The following CDKAL1 variants were observed in gnomAD, a reference collection of about 807,000 sequenced individuals.
The protein encoded by CDKAL1 is threonylcarbamoyladenosine tRNA methylthiotransferase.
A neutral mutation model predicts 68.2 loss-of-function variants in CDKAL1; 32 were observed. The ratio of observed to expected loss-of-function variants is 0.47; its 90% CI spans 0.35 to 0.63. The LOEUF (loss-of-function observed/expected upper bound fraction) is 0.63. CDKAL1 is among the 30% of genes least tolerant of loss of function. The pLI is 0.00. For synonymous variants in CDKAL1, 234 were observed against 244.3 expected (o/e 0.96, Z 0.39); for missense variants, 606 against 696.7 (o/e 0.87, Z 1.47).
chr6:20,712,446 A>G (rs1771889595), intron 5 of CDKAL1, among the ~76,000 whole-genome samples: 1 of 151,946 alleles, frequency 6.6e-6, no homozygotes, highest in African/African-American at 2.4e-5. Context: ...GACTATTTTA[A>G]GGAAAGTTTT....
intron 5 of CDKAL1, among the ~76,000 whole-genome samples, chr6:20,674,966 T>C (rs1391682644): frequency 6.6e-6 from 1 of 152,208 alleles, no homozygotes; most frequent in Non-Finnish European, 1.5e-5. Context: ...AGAAGATTGA[T>C]GGAGTGATTA....
chr6:20,636,304 AT>A (rs1767902285), intron 4 of CDKAL1, among the ~76,000 whole-genome samples: 1 of 152,130 alleles, frequency 6.6e-6, no homozygotes, highest in Non-Finnish European at 1.5e-5. Context: ...GTTCCTTCCC[AT>A]TCCCTGTTTG....
chr6:21,219,416 CCT>C (rs1434473693), intron 15 of CDKAL1, among the ~76,000 whole-genome samples: 3 of 152,116 alleles, frequency 2.0e-5, no homozygotes, highest in African/African-American at 4.8e-5. Context: ...ATTTTTCCCC[CCT>C]GAGTGTTTTC....
At chr6:20,571,129 A>T (rs16883932) in intron 4 of CDKAL1, among the ~76,000 whole-genome samples, 1 of 152,194 alleles carries the variant, frequency 6.6e-6, no homozygotes, top group Non-Finnish European at 1.5e-5. Context: ...AGTAAGTACT[A>T]TAGGTGAAAG....
intron 12 of CDKAL1, among the ~76,000 whole-genome samples, chr6:21,095,935 A>T (rs751382287): frequency 1.3e-5 from 2 of 152,180 alleles, no homozygotes; most frequent in Non-Finnish European, 1.5e-5. Flanking sequence ...CACCCCTGAA[A>T]TGAATTTTAG....
intron 4 of CDKAL1, among the ~76,000 whole-genome samples, chr6:20,609,288 T>C (rs13192450): frequency 3.9e-4 from 56 of 144,940 alleles, no homozygotes; most frequent in African/African-American, 1.4e-3. Context: ...TCCTTCTCCT[T>C]CTTCTCCTTC....
intron 9 of CDKAL1, among the ~76,000 whole-genome samples, chr6:20,872,348 A>G (rs994196922): frequency 6.6e-6 from 1 of 152,196 alleles, no homozygotes. Flanking sequence ...TATCAAAATT[A>G]TACTCAGAAC....
chr6:20,955,510 G>A lies in CDKAL1; in HGVS notation c.834G>A (p.Leu278=). The A allele has an allele frequency of 6.2e-7, 1 of 1,614,138 alleles. No individual in the cohort carries two copies. The highest frequency in any genetic ancestry group is 8.5e-7 in the Non-Finnish European group (1 of 1,179,988). The part of the protein sequence containing the change: ...GTNLPTLLWK[L]VEVIPEGAML... ...ATCTCCCCACACTCCTGTGGAAACT[G>A]GTTGAAGTGATTCCTGAGGGAGCAA... Residue 278 remains leucine, a synonymous_variant, in exon 10 of 16, where the codon CTG becomes CTA. Transcript: ENST00000274695.
intron 11 of CDKAL1, among the ~76,000 whole-genome samples, chr6:21,028,983 C>T (rs1467292875): frequency 6.6e-6 from 1 of 152,090 alleles, no homozygotes; most frequent in African/African-American, 2.4e-5. Context: ...TACTGTGCTT[C>T]GGGCTATTTT....
intron 8 of CDKAL1, among the ~76,000 whole-genome samples, chr6:20,810,903 C>T (rs531155092): frequency 1.1e-4 from 17 of 152,166 alleles, no homozygotes; most frequent in Admixed American, 5.9e-4. Context: ...TGAATTAGGA[C>T]CCAAACAAGA....
At chr6:20,732,726 C>T (rs1773012811) in intron 5 of CDKAL1, among the ~76,000 whole-genome samples, 1 of 152,126 alleles carries the variant, frequency 6.6e-6, no homozygotes, top group South Asian at 2.1e-4. Context: ...ATTGTGCGAG[C>T]ACCACAGTCA....
At chr6:21,072,554 CAAAAA>C (rs71540611) in intron 12 of CDKAL1, among the ~76,000 whole-genome samples, 147 of 44,472 alleles carry the variant, frequency 3.3e-3, no homozygotes, top group African/African-American at 3.3e-3. Context: ...GACTCCGTCT[CAAAAA>C]AAAAAAAAAA....
At chr6:20,823,873 C>T (rs1294350713) in intron 8 of CDKAL1, among the ~76,000 whole-genome samples, 6 of 151,996 alleles carry the variant, frequency 3.9e-5, no homozygotes, top group Non-Finnish European at 1.5e-5. Flanking sequence ...TCTTTTGCTT[C>T]CAAAGTCGAG....
chr6:21,143,170 CCT>C (rs1442991711), intron 13 of CDKAL1, among the ~76,000 whole-genome samples: 1 of 152,190 alleles, frequency 6.6e-6, no homozygotes, highest in African/African-American at 2.4e-5. Flanking sequence ...TCATATTTCA[CCT>C]CTTAGAAGCT....
At chr6:20,897,594 A>G (rs1462269553) in intron 9 of CDKAL1, among the ~76,000 whole-genome samples, 5 of 152,190 alleles carry the variant, frequency 3.3e-5, no homozygotes, top group African/African-American at 1.2e-4. Flanking sequence ...TTTTTCCACC[A>G]ATCTTCAGTT....
intron 9 of CDKAL1, among the ~76,000 whole-genome samples, chr6:20,942,885 TCAGAGGTTG>T (rs1010142273): frequency 8.4e-5 from 12 of 143,684 alleles, no homozygotes; most frequent in Admixed American, 1.4e-4. Flanking sequence ...AACCAGGAAG[TCAGAGGTTG>T]CAATGAGTGG....
intron 9 of CDKAL1, among the ~76,000 whole-genome samples, chr6:20,871,892 A>G (rs910986984): frequency 6.6e-6 from 1 of 152,192 alleles, no homozygotes. Context: ...TTAGTTTACA[A>G]ACAATATATA....
intron 5 of CDKAL1, among the ~76,000 whole-genome samples, chr6:20,716,295 A>C (rs1479295350): frequency 6.6e-6 from 1 of 152,230 alleles, no homozygotes; most frequent in East Asian, 1.9e-4. Flanking sequence ...GGCCTATTTT[A>C]TATAATATGG....
chr6:21,108,445 C>G lies in CDKAL1; in HGVS notation c.1281C>G (p.Tyr427Ter). 1 of 1,603,522 alleles carries G rather than the reference C, an allele frequency of 6.2e-7. No homozygotes were observed. Among genetic ancestry groups the G allele is most frequent in the Non-Finnish European group, 8.5e-7 (1 of 1,175,414 alleles). The change falls in exon 13 of 16, where the codon TAC (tyrosine) becomes TAG (stop). Residue 427 changes from tyrosine (Y) to a stop codon, truncating the protein, a stop_gained. Coordinates refer to ENST00000274695, the MANE Select transcript of CDKAL1 (RefSeq NM_017774.3). LOFTEE classifies it high-confidence loss of function. ...TKDLSRVFHS[Y>*]SPYDHKIGER... ...ATCTTTCTCGGGTGTTTCATTCTTA[C>G]AGTCCATATGATCACAAGGTAAGAG...
Sources: gnomAD v4.1 joint callset for allele counts (sites outside exome capture counted in the v4.1 genomes callset) on GRCh38, gnomAD v4.1.1 for gene constraint, MANE v1.5 for transcripts, NCBI Gene and HGNC (gene_info 2026-07-23, HGNC 2026-07-21) for gene names.